The following NRCAM variants were observed in gnomAD, a reference collection of about 807,000 sequenced individuals.
NRCAM encodes NgCAM-related cell adhesion molecule.
Under a neutral mutation model 156.5 loss-of-function variants are expected in NRCAM, and 83 were observed. The ratio of observed to expected loss-of-function variants is 0.53; its 90% CI spans 0.44 to 0.64. NRCAM has a LOEUF of 0.64. Among genes scored for constraint, NRCAM ranks in the 30% least tolerant of loss-of-function variants. NRCAM has a pLI of 0.00. For synonymous variants in NRCAM, 538 were observed against 563.9 expected (o/e 0.95, Z 0.65); for missense variants, 1,417 against 1,597.3 (o/e 0.89, Z 1.92).
chr7:108,250,425 CAAAAAAAAAAA>C lies in NRCAM; in HGVS notation c.-106-10266_-106-10256del, dbSNP rs34274206. Among the ~76,000 whole-genome samples, 73 of 67,404 alleles carry C rather than the reference CAAAAAAAAAAA, an allele frequency of 1.1e-3. No homozygotes were observed. In the South Asian group the frequency reaches 0.012, roughly 11 times the overall value. The allele number at this position is 67,404 out of a possible 152,430, so 44.2% of individuals were successfully genotyped here. A position where few individuals can be genotyped will look rare whatever the true frequency, so the allele number is the denominator to read the frequency against. ...TGGGCAACAGAGCCACATCTTACCT[CAAAAAAAAAAA>C]AAAAAAAAAAAAAAGAAAGAGAGAG... On this transcript the variant is annotated intron_variant, in intron 3 of 32. Coordinates refer to ENST00000379028, the MANE Select transcript of NRCAM (RefSeq NM_001037132.4).
intron 1 of NRCAM, among the ~76,000 whole-genome samples, chr7:108,434,688 G>A (rs531606204): frequency 1.3e-5 from 2 of 152,246 alleles, no homozygotes; most frequent in South Asian, 2.1e-4. Flanking sequence ...GAGAGTGGAA[G>A]CCTTATTGGC....
intron 3 of NRCAM, among the ~76,000 whole-genome samples, chr7:108,255,253 C>A (rs2096576975): frequency 6.6e-6 from 1 of 151,430 alleles, no homozygotes. Flanking sequence ...TCTCGGCTCA[C>A]TGCAAACTCC....
chr7:108,249,820 T>A (rs1329655213), intron 3 of NRCAM, among the ~76,000 whole-genome samples: 1 of 152,164 alleles, frequency 6.6e-6, no homozygotes, highest in Non-Finnish European at 1.5e-5. Context: ...AAAACCACAC[T>A]CTCTTTTCAG....
chr7:108,210,872 T>G (rs887892063), intron 11 of NRCAM, among the ~76,000 whole-genome samples: 4 of 152,104 alleles, frequency 2.6e-5, no homozygotes, highest in African/African-American at 9.7e-5. Flanking sequence ...TATTTGTCAA[T>G]AGAAATGCAA....
chr7:108,375,098 T>A (rs1177574134), intron 2 of NRCAM, among the ~76,000 whole-genome samples: 1 of 152,056 alleles, frequency 6.6e-6, no homozygotes, highest in East Asian at 1.9e-4. Context: ...GTTAGATTAG[T>A]TTCAGTAAAG....
chr7:108,292,619 C>G (rs1006856680), intron 3 of NRCAM, among the ~76,000 whole-genome samples: 1 of 152,196 alleles, frequency 6.6e-6, no homozygotes, highest in African/African-American at 2.4e-5. Flanking sequence ...TGGAACCAGT[C>G]TGACCTTGGT....
chr7:108,360,171 T>C (rs1050495867), intron 2 of NRCAM, among the ~76,000 whole-genome samples: 2 of 152,098 alleles, frequency 1.3e-5, no homozygotes, highest in Non-Finnish European at 2.9e-5. Context: ...TACAAAGAGA[T>C]TGGATTCAGA....
chr7:108,243,667 T>C (rs191280620), intron 3 of NRCAM, among the ~76,000 whole-genome samples: 2 of 152,192 alleles, frequency 1.3e-5, no homozygotes, highest in African/African-American at 4.8e-5. Flanking sequence ...TAAAGCAGGA[T>C]TGAATGAGAT....
chr7:108,253,674 C>T (rs1360013988), intron 3 of NRCAM, among the ~76,000 whole-genome samples: 1 of 152,186 alleles, frequency 6.6e-6, no homozygotes, highest in Non-Finnish European at 1.5e-5. Context: ...TCAAGAGTGC[C>T]ATCTTCTCAT....
chr7:108,180,378 A>G lies in NRCAM; in HGVS notation c.2696T>C (p.Ile899Thr), dbSNP rs2153275702. 3 of 1,614,220 alleles carry G rather than the reference A, an allele frequency of 1.9e-6. No individual in the cohort carries two copies. The highest frequency in any genetic ancestry group is 2.5e-6 in the Non-Finnish European group (3 of 1,180,022). Residue 899 changes from isoleucine to threonine, a missense_variant, in exon 25 of 33, where the codon ATT becomes ACT. By Grantham distance (89) the Ile-to-Thr change is moderately conservative. Around this residue, in one of 2 missense-constraint regions of NRCAM, gnomAD observed 1,238 missense variants for 1,336.4 expected, o/e 0.93. Coordinates refer to ENST00000379028, the MANE Select transcript of NRCAM (RefSeq NM_001037132.4). ...TTGGAAGGTGAGGATCTTTTTCTCA[A>G]TGTGACGTCTGTTTCTTTTAGATGA... is the stretch of plus-strand genomic sequence containing the variant. ...QSSSKRNRRH[I>T]EKKILTFQGS...
intron 32 of NRCAM, among the ~76,000 whole-genome samples, chr7:108,152,159 C>T (rs1048261096): frequency 1.3e-5 from 2 of 152,032 alleles, no homozygotes; most frequent in Non-Finnish European, 2.9e-5. Context: ...AGAGGATTAG[C>T]ACTATGCAAA....
At chr7:108,329,236 T>C (rs977439482) in intron 2 of NRCAM, among the ~76,000 whole-genome samples, 7 of 152,192 alleles carry the variant, frequency 4.6e-5, no homozygotes, top group African/African-American at 1.4e-4. Context: ...CCAGATGCTA[T>C]TGGTACCTAA....
chr7:108,195,936 T>C (rs781314112), intron 14 of NRCAM, 64 bp from the exon 15 acceptor site: 17 of 1,071,536 alleles, frequency 1.6e-5, no homozygotes, highest in Non-Finnish European at 2.4e-5. Flanking sequence ...CGTTTATTTA[T>C]TGTATTTTGT....
At chr7:108,160,297 G>A in intron 31 of NRCAM, 64 bp downstream of exon 31, 2 of 1,460,042 alleles carry the variant, frequency 1.4e-6, no homozygotes, top group Non-Finnish European at 1.9e-6. Context: ...TTTCCCCCAT[G>A]ATCTTTTTAG....
At chr7:108,355,056 G>A (rs1045860374) in intron 2 of NRCAM, among the ~76,000 whole-genome samples, 1 of 152,178 alleles carries the variant, frequency 6.6e-6, no homozygotes, top group African/African-American at 2.4e-5. Flanking sequence ...GTTTTAGAGA[G>A]CTCTGCTCCT....
intron 28 of NRCAM, 78 bp from the exon 29 acceptor site, chr7:108,168,480 C>A: frequency 8.1e-7 from 1 of 1,238,612 alleles, no homozygotes; most frequent in African/African-American, 1.5e-5. Flanking sequence ...AGTTTAAATA[C>A]TCTGAAATTG....
intron 1 of NRCAM, among the ~76,000 whole-genome samples, chr7:108,402,346 T>C (rs1252268604): frequency 1.3e-5 from 2 of 152,254 alleles, no homozygotes; most frequent in Non-Finnish European, 2.9e-5. Context: ...ATATGTTGCA[T>C]ATGAAATATA....
At chr7:108,219,840 G>A (rs753716537) in intron 11 of NRCAM, among the ~76,000 whole-genome samples, 1 of 152,148 alleles carries the variant, frequency 6.6e-6, no homozygotes, top group Non-Finnish European at 1.5e-5. Flanking sequence ...AGTACTGGAA[G>A]TCCTAGCCAG....
chr7:108,290,739 T>G (rs917039599), intron 3 of NRCAM, among the ~76,000 whole-genome samples: 1 of 152,192 alleles, frequency 6.6e-6, no homozygotes, highest in African/African-American at 2.4e-5. Flanking sequence ...CTAAATTGCA[T>G]CAACATTTGA....
Sources: allele counts gnomAD v4.1 joint callset (sites outside exome capture counted in the v4.1 genomes callset), GRCh38; gene constraint gnomAD v4.1.1; regional missense constraint gnomAD v4.1.1; transcripts MANE v1.5; gene names NCBI Gene and HGNC (gene_info 2026-07-23, HGNC 2026-07-21).